The following CNTNAP2 variants were observed in gnomAD, a reference collection of about 807,000 sequenced individuals.
CNTNAP2 encodes the protein contactin-associated protein-like 2.
Under a neutral mutation model 155.2 loss-of-function variants are expected in CNTNAP2, and 98 were observed. The ratio of observed to expected loss-of-function variants is 0.63; its 90% confidence interval spans 0.54 to 0.75. CNTNAP2 has a LOEUF of 0.75. CNTNAP2 is among the 30% of genes least tolerant of loss of function. The pLI is 0.00. For missense variants in CNTNAP2, 1,727 were observed against 1,688.1 expected (o/e 1.02, Z -0.40); for synonymous variants, 651 against 631.2 (o/e 1.03, Z -0.47).
At chr7:146,781,205 G>T (rs955545667) in intron 2 of CNTNAP2, among the ~76,000 whole-genome samples, 3 of 146,840 alleles carry the variant, frequency 2.0e-5, no homozygotes, top group African/African-American at 7.6e-5. Flanking sequence ...TCCAGCCTGG[G>T]TGACAGAGCG....
intron 14 of CNTNAP2, among the ~76,000 whole-genome samples, chr7:147,905,918 A>C (rs1303408721): frequency 2.0e-5 from 3 of 151,960 alleles, no homozygotes; most frequent in African/African-American, 7.3e-5. Flanking sequence ...AACAAACAAA[A>C]AAAAACTGAT....
chr7:146,978,774 T>C (rs1797959691), intron 3 of CNTNAP2, among the ~76,000 whole-genome samples: 1 of 151,816 alleles, frequency 6.6e-6, no homozygotes, highest in South Asian at 2.1e-4. Flanking sequence ...TAGAAATGAG[T>C]ATTACATGTT....
intron 3 of CNTNAP2, among the ~76,000 whole-genome samples, chr7:146,945,520 C>G (rs1797148767): frequency 6.6e-6 from 1 of 152,092 alleles, no homozygotes. Flanking sequence ...GAAAAAGGCG[C>G]AGCAGCAACA....
chr7:147,148,130 C>T (rs553252216), intron 8 of CNTNAP2, among the ~76,000 whole-genome samples: 11 of 152,098 alleles, frequency 7.2e-5, no homozygotes, highest in African/African-American at 2.7e-4. Context: ...GTGGCTCACG[C>T]CTGTAATCCC....
chr7:146,711,813 G>T (rs1801082240), intron 1 of CNTNAP2, among the ~76,000 whole-genome samples: 3 of 101,854 alleles, frequency 2.9e-5, no homozygotes, highest in African/African-American at 9.8e-5. Context: ...CACATCTTAT[G>T]TATACAATAT....
At chr7:148,158,222 C>CTTTT (rs1224617335) in intron 17 of CNTNAP2, among the ~76,000 whole-genome samples, 1 of 94,798 alleles carries the variant, frequency 1.1e-5, no homozygotes, top group East Asian at 3.3e-4. Context: ...AATGTTTGCG[C>CTTTT]TTTTTTTTTT....
chr7:146,858,896 A>G lies in CNTNAP2; in HGVS notation c.402+18992A>G, dbSNP rs575727478. Among the ~76,000 whole-genome samples the G allele has an allele frequency of 1.2e-4, 19 of 152,304 alleles. No individual in the cohort carries two copies. In the East Asian group the frequency reaches 3.5e-3, roughly 28 times the overall value. On this transcript the variant is annotated intron_variant, in intron 3 of 23. Transcript: ENST00000361727. Reference sequence around the variant, plus strand: ...GAAGTAATGTTGTACATGTCAGCATAAATGCCTTTCTTTCATCCTTAATAC... The same window carrying G: ...GAAGTAATGTTGTACATGTCAGCATGAATGCCTTTCTTTCATCCTTAATAC...
At chr7:147,037,451 TTC>T (rs1491322061) in intron 3 of CNTNAP2, among the ~76,000 whole-genome samples, 9 of 149,406 alleles carry the variant, frequency 6.0e-5, no homozygotes, top group African/African-American at 2.2e-4. Flanking sequence ...TGTTTTTTTT[TTC>T]CCTTTTTTTT....
rs116063777 is a variant in CNTNAP2, at chr7:146,252,500, G to A, written c.97+135527G>A. The stretch of plus-strand genomic sequence containing the variant: ...TGAAAACCACTTCTACTCTGTTTTC[G>A]GAAATACCTGTAGTGTCAGTAGACA... On this transcript the variant is annotated intron_variant, in intron 1 of 23. Coordinates refer to ENST00000361727, the MANE Select transcript of CNTNAP2 (RefSeq NM_014141.6). Among the ~76,000 whole-genome samples the A allele has an allele frequency of 9.4e-3, 1,424 of 152,156 alleles. 20 individuals are homozygous for A. The highest frequency in any genetic ancestry group is 0.032 in the African/African-American group (1,317 of 41,512).
At chr7:147,509,103 C>T (rs756391144) in intron 11 of CNTNAP2, among the ~76,000 whole-genome samples, 3 of 152,156 alleles carry the variant, frequency 2.0e-5, no homozygotes, top group Non-Finnish European at 2.9e-5. Context: ...GCTTTGTACA[C>T]GTCTTTGTAT....
At chr7:146,783,729 C>T (rs1442394069) in intron 2 of CNTNAP2, among the ~76,000 whole-genome samples, 1 of 152,184 alleles carries the variant, frequency 6.6e-6, no homozygotes, top group African/African-American at 2.4e-5. Flanking sequence ...AGCAATGCGT[C>T]CCAAAGTGCA....
intron 1 of CNTNAP2, among the ~76,000 whole-genome samples, chr7:146,741,616 CTG>C (rs1215956531): frequency 3.3e-5 from 5 of 152,068 alleles, no homozygotes; most frequent in Non-Finnish European, 7.4e-5. Flanking sequence ...ATGGTGAAGA[CTG>C]TGAAGGGAAT....
intron 1 of CNTNAP2, among the ~76,000 whole-genome samples, chr7:146,761,478 C>T (rs1397312871): frequency 1.3e-5 from 2 of 152,058 alleles, no homozygotes; most frequent in Non-Finnish European, 2.9e-5. Context: ...AAGAAGAGCA[C>T]TTTAGGCAGC....
chr7:147,331,031 TG>T (rs1584878674), intron 9 of CNTNAP2, among the ~76,000 whole-genome samples: 1 of 152,172 alleles, frequency 6.6e-6, no homozygotes, highest in Non-Finnish European at 1.5e-5. Context: ...TTGAGTAAAC[TG>T]CTCATACAAC....
At chr7:146,999,371 TTTAG>T (rs1299820533) in intron 3 of CNTNAP2, among the ~76,000 whole-genome samples, 1 of 151,950 alleles carries the variant, frequency 6.6e-6, no homozygotes, top group Non-Finnish European at 1.5e-5. Flanking sequence ...AACAAATAAT[TTTAG>T]TTATTATTAT....
intron 15 of CNTNAP2, among the ~76,000 whole-genome samples, chr7:148,002,105 A>G (rs1801908817): frequency 6.6e-6 from 1 of 152,218 alleles, no homozygotes; most frequent in Non-Finnish European, 1.5e-5. Flanking sequence ...TTTCTGCACC[A>G]TAATTAGTTG....
At chr7:146,164,532 G>A (rs1049790458) in intron 1 of CNTNAP2, among the ~76,000 whole-genome samples, 10 of 152,118 alleles carry the variant, frequency 6.6e-5, no homozygotes, top group African/African-American at 2.2e-4. Context: ...TATTAGAGGG[G>A]CAGATTTCCA....
intron 13 of CNTNAP2, among the ~76,000 whole-genome samples, chr7:147,661,586 T>G (rs1478661450): frequency 2.0e-5 from 3 of 151,146 alleles, no homozygotes; most frequent in Non-Finnish European, 2.9e-5. Context: ...GGAGTCTTGC[T>G]CTGTCACCCA....
At chr7:148,204,981 G>T (rs1370037396) in intron 18 of CNTNAP2, among the ~76,000 whole-genome samples, 3 of 152,190 alleles carry the variant, frequency 2.0e-5, no homozygotes, top group African/African-American at 7.2e-5. Flanking sequence ...GTGCCCATTG[G>T]CACCTATTGG....
Sources: gnomAD v4.1 joint callset for allele counts (sites outside exome capture counted in the v4.1 genomes callset) on GRCh38, gnomAD v4.1.1 for gene constraint, MANE v1.5 for transcripts, NCBI Gene and HGNC (gene_info 2026-07-23, HGNC 2026-07-21) for gene names.